The following FGF14 variants were observed in gnomAD, a reference collection of about 807,000 sequenced individuals.
FGF14 encodes the protein fibroblast growth factor homologous factor 4.
Under a neutral mutation model 25.5 loss-of-function variants are expected in FGF14, and 5 were observed. That is an observed-to-expected ratio of 0.20 (90% CI 0.10 to 0.41). The LOEUF is 0.41. FGF14 is among the 10% of genes least tolerant of loss of function. FGF14 has a pLI of 1.00. For missense variants in FGF14, 222 were observed against 320.1 expected, an observed-to-expected ratio of 0.69 and a Z score of 2.34; for synonymous variants, 138 against 118.3, an observed-to-expected ratio of 1.17 and a Z score of -1.08.
intron 1 of FGF14, among the ~76,000 whole-genome samples, chr13:102,160,956 T>C (rs1424309536): frequency 6.6e-6 from 1 of 152,166 alleles, no homozygotes; most frequent in Non-Finnish European, 1.5e-5. Context: ...CTTCAGTTAG[T>C]CTTCAAAGCC....
At chr13:102,186,296 T>C (rs909734458) in intron 1 of FGF14, among the ~76,000 whole-genome samples, 1 of 152,090 alleles carries the variant, frequency 6.6e-6, no homozygotes, top group Non-Finnish European at 1.5e-5. Flanking sequence ...CGAAATCAAA[T>C]GGTATAGTTT....
At position 102,320,342 on chromosome 13, in the gene FGF14, CT is replaced by C. The variant is rs112161798; in HGVS notation, c.208+81128del. Among the ~76,000 whole-genome samples the C allele has an allele frequency of 3.0e-3, 450 of 152,136 alleles. 2 individuals carry two copies. Among genetic ancestry groups the C allele is most frequent in the African/African-American group, 0.01 (430 of 41,494 alleles). On this transcript the variant is annotated intron_variant, in intron 1 of 4. Transcript: ENST00000376131. Reference sequence around the variant, plus strand: ...ATCAATGGCAAAAGTTTCAGGCAACCTTGTGTTCATCCAGGTGGAGACATGC... The same window carrying C: ...ATCAATGGCAAAAGTTTCAGGCAACCTGTGTTCATCCAGGTGGAGACATGC...
At chr13:102,252,859 C>T (rs1411884127) in intron 1 of FGF14, among the ~76,000 whole-genome samples, 3 of 152,086 alleles carry the variant, frequency 2.0e-5, no homozygotes, top group African/African-American at 7.2e-5. Context: ...GTAATGTTCC[C>T]TTCCCTGTGT....
chr13:101,923,126 C>A (rs902583059), intron 1 of FGF14, among the ~76,000 whole-genome samples: 1 of 151,970 alleles, frequency 6.6e-6, no homozygotes, highest in African/African-American at 2.4e-5. Context: ...GGTGTTTATA[C>A]ATAAAAAGTA....
At chr13:102,091,275 G>T (rs927351397) in intron 1 of FGF14, among the ~76,000 whole-genome samples, 1 of 152,022 alleles carries the variant, frequency 6.6e-6, no homozygotes, top group South Asian at 2.1e-4. Flanking sequence ...TATGCTGCTG[G>T]GGCTGAGACC....
At chr13:102,152,481 A>T (rs1396343322) in intron 1 of FGF14, among the ~76,000 whole-genome samples, 1 of 152,194 alleles carries the variant, frequency 6.6e-6, no homozygotes, top group Non-Finnish European at 1.5e-5. Context: ...CTCTTCTCAT[A>T]AGGATACAAG....
chr13:102,081,752 A>G (rs949584894), intron 1 of FGF14, among the ~76,000 whole-genome samples: 2 of 152,210 alleles, frequency 1.3e-5, no homozygotes, highest in African/African-American at 4.8e-5. Context: ...CAAACTCTTT[A>G]TATCTAGGGA....
At chr13:102,317,229 A>G (rs2056066610) in intron 1 of FGF14, among the ~76,000 whole-genome samples, 1 of 152,202 alleles carries the variant, frequency 6.6e-6, no homozygotes, top group Admixed American at 6.5e-5. Context: ...GTTCTGAGTA[A>G]GATTCTTAAG....
At chr13:101,983,508 G>A (rs1343856239) in intron 1 of FGF14, among the ~76,000 whole-genome samples, 4 of 152,018 alleles carry the variant, frequency 2.6e-5, no homozygotes, top group African/African-American at 4.8e-5. Flanking sequence ...TCCAAATCCA[G>A]AGAAAAATAA....
At chr13:102,253,202 A>G (rs539050172) in intron 1 of FGF14, among the ~76,000 whole-genome samples, 35 of 152,234 alleles carry the variant, frequency 2.3e-4, no homozygotes, top group African/African-American at 8.4e-4. Context: ...GGATTGCTGG[A>G]TCAAATGGTA....
rs1301443751 is a variant in FGF14 at position 101,714,228 on chromosome 13, CT to C, written c.*8602del. The C allele has an allele frequency of 6.4e-5, 34 of 531,956 alleles. No individual in the cohort carries two copies. Among genetic ancestry groups the C allele is most frequent in the Admixed American group, 9.9e-5 (3 of 30,426 alleles). The allele number at this position is 531,956 out of a possible 1,614,324, so 33.0% of individuals were successfully genotyped here. The stretch of plus-strand genomic sequence containing the variant: ...GACATTTGTTCAAGGCTAATTGCAA[CT>C]GTCTAGATCCATAATGAAGGCTTTC... On this transcript the variant is annotated 3_prime_UTR_variant, in exon 5 of 5. Coordinates refer to ENST00000376143, the MANE Select transcript of FGF14 (RefSeq NM_004115.4).
intron 3 of FGF14, among the ~76,000 whole-genome samples, chr13:101,785,018 ACAAC>A (rs2039721642): frequency 6.6e-6 from 1 of 152,176 alleles, no homozygotes; most frequent in African/African-American, 2.4e-5. Flanking sequence ...TGAAGAGGAA[ACAAC>A]CAACCCCAGA....
chr13:101,797,774 T>TGTGTGTGTGTGTGC (rs1566914293), intron 3 of FGF14, among the ~76,000 whole-genome samples: 26 of 147,428 alleles, frequency 1.8e-4, no homozygotes, highest in African/African-American at 6.6e-4. Flanking sequence ...TGTGTGTGTG[T>TGTGTGTGTGTGTGC]GTGTGTGTTC....
At chr13:101,922,089 C>T (rs1024984896) in intron 1 of FGF14, among the ~76,000 whole-genome samples, 1 of 152,110 alleles carries the variant, frequency 6.6e-6, no homozygotes, top group African/African-American at 2.4e-5. Flanking sequence ...CAAGTAGGTG[C>T]TCAATAAAGA....
chr13:101,989,261 T>A (rs1320699085), intron 1 of FGF14, among the ~76,000 whole-genome samples: 1 of 152,056 alleles, frequency 6.6e-6, no homozygotes, highest in Non-Finnish European at 1.5e-5. Context: ...TTATAAAAAG[T>A]TACAATTTTG....
At chr13:102,226,617 T>C (rs1439766345) in intron 1 of FGF14, among the ~76,000 whole-genome samples, 1 of 152,222 alleles carries the variant, frequency 6.6e-6, no homozygotes, top group Non-Finnish European at 1.5e-5. Context: ...TCTCCTTTTG[T>C]AAGTTCTGTC....
intron 1 of FGF14, among the ~76,000 whole-genome samples, chr13:102,152,949 C>T (rs2047152932): frequency 6.6e-6 from 1 of 152,130 alleles, no homozygotes; most frequent in Non-Finnish European, 1.5e-5. Flanking sequence ...TATGTGACTT[C>T]ATTCTCCCTC....
intron 1 of FGF14, among the ~76,000 whole-genome samples, chr13:102,235,825 C>G (rs2051303647): frequency 6.6e-6 from 1 of 152,082 alleles, no homozygotes; most frequent in African/African-American, 2.4e-5. Flanking sequence ...GGGCTGCATT[C>G]CCAGGTGAGG....
At chr13:102,198,463 C>T (rs537221752) in intron 1 of FGF14, among the ~76,000 whole-genome samples, 2 of 152,204 alleles carry the variant, frequency 1.3e-5, no homozygotes, top group African/African-American at 4.8e-5. Context: ...CTGTTTCCAC[C>T]GAAATTATAT....
Sources: gnomAD v4.1 joint callset for allele counts (sites outside exome capture counted in the v4.1 genomes callset) on GRCh38, gnomAD v4.1.1 for gene constraint, MANE v1.5 for transcripts, NCBI Gene and HGNC (gene_info 2026-07-23, HGNC 2026-07-21) for gene names.